The following CSMD1 variants were observed in gnomAD, a reference collection of about 807,000 sequenced individuals.
CSMD1 encodes CUB and sushi domain-containing protein 1.
Under a neutral mutation model 417.5 loss-of-function variants are expected in CSMD1, and 213 were observed. That is an observed-to-expected ratio of 0.51 (90% confidence interval 0.46 to 0.57). The LOEUF is 0.57. Ranked by LOEUF, CSMD1 falls within the 20% of genes least tolerant of loss-of-function variation. The probability of loss-of-function intolerance (pLI) is 0.00; values close to 1 mark genes in which losing one functional copy is unlikely to be tolerated. For synonymous variants in CSMD1, 2,862 were observed against 1,736.8 expected, an observed-to-expected ratio of 1.65 and a Z score of -16.11; for missense variants, 6,923 against 4,529.7, an observed-to-expected ratio of 1.53 and a Z score of -15.17.
intron 18 of CSMD1, among the ~76,000 whole-genome samples, chr8:3,384,364 G>A (rs1047492437): frequency 1.3e-5 from 2 of 151,546 alleles, no homozygotes; most frequent in Non-Finnish European, 2.9e-5. Context: ...TGTCTTAATA[G>A]GATATCCCTT....
chr8:3,272,268 C>G (rs978662926), intron 26 of CSMD1, among the ~76,000 whole-genome samples: 1 of 144,094 alleles, frequency 6.9e-6, no homozygotes. Context: ...TCTGAGGGCT[C>G]TGTTCTATTC....
At chr8:4,079,588 A>G (rs957175715) in intron 3 of CSMD1, among the ~76,000 whole-genome samples, 7 of 152,236 alleles carry the variant, frequency 4.6e-5, no homozygotes, top group African/African-American at 1.4e-4. Context: ...AAAACACTTT[A>G]TTAGGGAAAG....
At chr8:4,390,840 C>T (rs921427600) in intron 3 of CSMD1, among the ~76,000 whole-genome samples, 14 of 152,158 alleles carry the variant, frequency 9.2e-5, no homozygotes, top group African/African-American at 3.4e-4. Context: ...CATGCCCGGC[C>T]AAAAGTATCC....
At chr8:4,738,407 G>A (rs530329393) in intron 1 of CSMD1, among the ~76,000 whole-genome samples, 2 of 152,254 alleles carry the variant, frequency 1.3e-5, no homozygotes, top group African/African-American at 2.4e-5. Context: ...GGTGGCAGAA[G>A]GAGAAGGGCT....
At chr8:4,307,138 G>T (rs371679456) in intron 3 of CSMD1, among the ~76,000 whole-genome samples, 1 of 152,192 alleles carries the variant, frequency 6.6e-6, no homozygotes, top group South Asian at 2.1e-4. Flanking sequence ...TCTGTACTGA[G>T]TTCCCATTTC....
rs567428441 is a variant in CSMD1, at chr8:3,460,613, T to A, written c.1561+8099A>T. The stretch of plus-strand genomic sequence containing the variant: ...CCGACTAAGGGTAAGAGAATGAAGA[T>A]AAACAGGAGGGATGGGATAGAAGGA... On this transcript the variant is annotated intron_variant, in intron 12 of 69. Transcript: ENST00000635120. Among the ~76,000 whole-genome samples, 30 of 152,010 alleles carry A rather than the reference T, an allele frequency of 2.0e-4. No homozygotes were observed. In the East Asian group the frequency reaches 5.2e-3, roughly 27 times the overall value.
chr8:4,344,200 C>G (rs1223272029), intron 3 of CSMD1, among the ~76,000 whole-genome samples: 3 of 152,248 alleles, frequency 2.0e-5, no homozygotes, highest in Non-Finnish European at 4.4e-5. Context: ...CTGTAACCGT[C>G]TCCATGGAGA....
intron 3 of CSMD1, among the ~76,000 whole-genome samples, chr8:4,151,141 A>T (rs1259396969): frequency 6.6e-6 from 1 of 152,238 alleles, no homozygotes; most frequent in African/African-American, 2.4e-5. Context: ...CACCAAATAC[A>T]TTAGAAGAGC....
chr8:4,807,200 C>T (rs1207783891), intron 1 of CSMD1, among the ~76,000 whole-genome samples: 1 of 152,144 alleles, frequency 6.6e-6, no homozygotes. Context: ...TTTTCATTCC[C>T]ATCTGCCTGT....
intron 2 of CSMD1, among the ~76,000 whole-genome samples, chr8:4,508,784 A>T (rs2130328892): frequency 6.6e-6 from 1 of 152,334 alleles, no homozygotes; most frequent in Admixed American, 6.5e-5. Flanking sequence ...GTGGAATGTC[A>T]AAACAGCCAG....
chr8:4,099,081 T>C (rs926367318), intron 3 of CSMD1, among the ~76,000 whole-genome samples: 21 of 152,252 alleles, frequency 1.4e-4, no homozygotes, highest in Admixed American at 7.9e-4. Context: ...ATTCTAGACA[T>C]TATTTTCATC....
chr8:2,989,749 A>T (rs937176090), intron 54 of CSMD1, among the ~76,000 whole-genome samples: 1 of 152,158 alleles, frequency 6.6e-6, no homozygotes, highest in African/African-American at 2.4e-5. Context: ...ACCTACATAC[A>T]AAAAAAGCTT....
intron 3 of CSMD1, among the ~76,000 whole-genome samples, chr8:4,405,860 C>A (rs917445273): frequency 6.6e-6 from 1 of 151,350 alleles, no homozygotes; most frequent in African/African-American, 2.5e-5. Flanking sequence ...ATCCACTCAC[C>A]ACTTTAGAAA....
chr8:3,092,581 C>T (rs1398184490), intron 47 of CSMD1, among the ~76,000 whole-genome samples: 1 of 151,968 alleles, frequency 6.6e-6, no homozygotes, highest in Non-Finnish European at 1.5e-5. Context: ...TTGACAAAGC[C>T]CTGAAATTCA....
At chr8:3,778,621 C>T (rs535572777) in intron 5 of CSMD1, among the ~76,000 whole-genome samples, 4 of 152,300 alleles carry the variant, frequency 2.6e-5, no homozygotes, top group Middle Eastern at 3.4e-3. Flanking sequence ...CTGTTCTGCA[C>T]CTCTCCTTCC....
chr8:4,588,559 C>A (rs1022897025), intron 2 of CSMD1, among the ~76,000 whole-genome samples: 1 of 151,878 alleles, frequency 6.6e-6, no homozygotes, highest in African/African-American at 2.4e-5. Context: ...CTTTCGGAGG[C>A]CGAGTCTGGC....
In CSMD1 at chr8:3,923,092, C is replaced by G. The variant is rs117487509; in HGVS notation, c.818+74811G>C. Among the ~76,000 whole-genome samples the G allele has an allele frequency of 9.7e-3, 1,470 of 152,210 alleles. 56 individuals are homozygous for G. The East Asian group carries it at 0.11, about 12-fold the overall frequency. On this transcript the variant is annotated intron_variant, in intron 5 of 69. Transcript: ENST00000635120. Reference sequence around the variant, plus strand: ...TCCTGGAGCCCAGTTGCGAAGGGCCCTTGTGACTGGGACTCATGCCAAACA... The same window carrying G: ...TCCTGGAGCCCAGTTGCGAAGGGCCGTTGTGACTGGGACTCATGCCAAACA...
chr8:3,444,956 A>C (rs749511087), intron 12 of CSMD1, among the ~76,000 whole-genome samples: 1 of 152,190 alleles, frequency 6.6e-6, no homozygotes, highest in Admixed American at 6.5e-5. Context: ...ACCACTAGCT[A>C]TGAAGTCCTC....
At chr8:2,956,034 C>A (rs548735523) in intron 63 of CSMD1, among the ~76,000 whole-genome samples, 1 of 152,012 alleles carries the variant, frequency 6.6e-6, no homozygotes, top group Admixed American at 6.6e-5. Context: ...AGCCACTACA[C>A]CCATCCTATA....
Sources: gnomAD v4.1 joint callset for allele counts (sites outside exome capture counted in the v4.1 genomes callset) on GRCh38, gnomAD v4.1.1 for gene constraint, MANE v1.5 for transcripts, NCBI Gene and HGNC (gene_info 2026-07-23, HGNC 2026-07-21) for gene names.